The following LAMA2 variants were observed in gnomAD, a reference collection of about 807,000 sequenced individuals.
The protein encoded by LAMA2 is laminin subunit alpha-2.
A neutral mutation model predicts 364.8 loss-of-function variants in LAMA2; 269 were observed. The observed-to-expected ratio is 0.74, with a 90% CI of 0.67 to 0.82. The LOEUF (loss-of-function observed/expected upper bound fraction) is 0.82. LAMA2 is among the 40% of genes least tolerant of loss of function. The pLI is 0.00. For missense variants in LAMA2, 3,807 were observed against 3,873.2 expected (o/e 0.98, Z 0.45); for synonymous variants, 1,379 against 1,370.6 (o/e 1.01, Z -0.14).
At chr6:129,034,630 C>G (rs1227014859) in intron 1 of LAMA2, among the ~76,000 whole-genome samples, 2 of 152,054 alleles carry the variant, frequency 1.3e-5, no homozygotes, top group Non-Finnish European at 2.9e-5. Flanking sequence ...CTCTCCCAGC[C>G]TCTTCCCTTT....
At chr6:128,950,513 C>G (rs1780744829) in intron 1 of LAMA2, among the ~76,000 whole-genome samples, 2 of 152,100 alleles carry the variant, frequency 1.3e-5, no homozygotes. Context: ...GTCTTATGGA[C>G]ATTTTATTTA....
At chr6:128,885,839 A>G (rs1776122735) in intron 1 of LAMA2, among the ~76,000 whole-genome samples, 1 of 152,180 alleles carries the variant, frequency 6.6e-6, no homozygotes, top group South Asian at 2.1e-4. Flanking sequence ...TATGAATAGC[A>G]TTGATTCAGC....
chr6:129,428,001 C>T, intron 41 of LAMA2, 147 bp downstream of exon 41: 1 of 669,888 alleles, frequency 1.5e-6, no homozygotes, highest in Non-Finnish European at 2.6e-6. Context: ...AACTTTCTCA[C>T]TAGTTTTACA....
At chr6:129,476,382 A>G (rs1032482895) in intron 53 of LAMA2, among the ~76,000 whole-genome samples, 4 of 152,244 alleles carry the variant, frequency 2.6e-5, no homozygotes, top group African/African-American at 9.6e-5. Flanking sequence ...TGAGATGGCT[A>G]AAAAGCGAAG....
At chr6:129,239,917 C>T (rs571783600) in intron 12 of LAMA2, among the ~76,000 whole-genome samples, 1 of 152,278 alleles carries the variant, frequency 6.6e-6, no homozygotes, top group Non-Finnish European at 1.5e-5. Flanking sequence ...AATTGGCTCA[C>T]ATGATCACAA....
chr6:129,094,688 T>TA (rs575914720), intron 3 of LAMA2, among the ~76,000 whole-genome samples: 1 of 152,182 alleles, frequency 6.6e-6, no homozygotes, highest in African/African-American at 2.4e-5. Flanking sequence ...TTTATATCTT[T>TA]AAAAAAATCT....
At position 128,937,177 on chromosome 6, in the gene LAMA2, T is replaced by C. The variant is rs542876954; in HGVS notation, c.112+53820T>C. Among the ~76,000 whole-genome samples the C allele has an allele frequency of 9.8e-5, 15 of 152,322 alleles. No homozygotes were observed. In the South Asian group the frequency reaches 2.9e-3, roughly 29 times the overall value. ...ATACTATATCACATTTATCGACTCA[T>C]GTATGTTGAATTATCCATTTATTCC... On this transcript the variant is annotated intron_variant, in intron 1 of 64. Coordinates refer to ENST00000421865, the MANE Select transcript of LAMA2 (RefSeq NM_000426.4).
At chr6:129,229,913 A>G (rs1784573735) in intron 12 of LAMA2, among the ~76,000 whole-genome samples, 1 of 152,184 alleles carries the variant, frequency 6.6e-6, no homozygotes, top group South Asian at 2.1e-4. Flanking sequence ...AAAGTTAGAG[A>G]TGCCTATTAT....
intron 1 of LAMA2, among the ~76,000 whole-genome samples, chr6:129,018,531 A>AT (rs955205872): frequency 1.3e-5 from 2 of 150,206 alleles, no homozygotes; most frequent in African/African-American, 2.5e-5. Context: ...GAAACTTGAG[A>AT]TTTAAAAAAA....
At chr6:128,952,054 A>G (rs1401449239) in intron 1 of LAMA2, among the ~76,000 whole-genome samples, 1 of 151,936 alleles carries the variant, frequency 6.6e-6, no homozygotes, top group Non-Finnish European at 1.5e-5. Flanking sequence ...GTAGTCCCTG[A>G]TACTCGAGAG....
At position 129,391,481 on chromosome 6, in the gene LAMA2, C is replaced by A. The variant is rs552989582; in HGVS notation, c.5072-10C>A. 2.5e-4 allele frequency: 395 copies of A among 1,607,182 alleles called. 3 individuals are homozygous for A. In the South Asian group the frequency reaches 4.0e-3, roughly 16 times the overall value. The stretch of plus-strand genomic sequence containing the variant: ...TTACTAATTTACAAAATTTGTTTTA[C>A]CCCCTGCAGCTGTAAATGAAAAAGC... On this transcript the variant is annotated splice_polypyrimidine_tract_variant and intron_variant, in intron 35 of 64. Transcript: ENST00000421865.
Position 129,393,108 on chromosome 6 carries a change from A to G in LAMA2, c.5298A>G (p.Glu1766=), listed in dbSNP as rs761289060. Residue 1766 remains glutamate, a synonymous_variant, in exon 37 of 65, where the codon GAA becomes GAG. Transcript: ENST00000421865. Reference sequence around the variant, plus strand: ...TTGGAGAGTCCCGGGGGGAAAATGAAGAAATGGAGAAGGATCTCCGGGAAA... The same window carrying G: ...TTGGAGAGTCCCGGGGGGAAAATGAGGAAATGGAGAAGGATCTCCGGGAAA... ...KLFGESRGEN[E]EMEKDLREKL... The G allele has an allele frequency of 6.2e-7, 1 of 1,614,004 alleles. No individual in the cohort carries two copies. Among genetic ancestry groups the G allele is most frequent in the African/African-American group, 1.3e-5 (1 of 74,940 alleles).
chr6:128,904,092 C>T (rs1028257512), intron 1 of LAMA2, among the ~76,000 whole-genome samples: 14 of 152,252 alleles, frequency 9.2e-5, no homozygotes, highest in African/African-American at 3.4e-4. Context: ...ACGCCCAGGA[C>T]ATATATACAC....
intron 1 of LAMA2, among the ~76,000 whole-genome samples, chr6:128,961,803 A>G (rs1018148350): frequency 3.9e-5 from 6 of 151,956 alleles, no homozygotes; most frequent in Non-Finnish European, 7.4e-5. Context: ...TGTATTAACC[A>G]TCACAAGAAT....
intron 41 of LAMA2, among the ~76,000 whole-genome samples, chr6:129,430,137 A>G (rs1043012652): frequency 3.9e-5 from 6 of 152,230 alleles, no homozygotes; most frequent in African/African-American, 1.4e-4. Context: ...TACGGAGGTT[A>G]TAAAATGGCT....
chr6:128,900,890 A>C (rs1167477981), intron 1 of LAMA2, among the ~76,000 whole-genome samples: 1 of 152,222 alleles, frequency 6.6e-6, no homozygotes, highest in Non-Finnish European at 1.5e-5. Context: ...GGTGGCTCAC[A>C]GCTATAATCC....
intron 13 of LAMA2, among the ~76,000 whole-genome samples, chr6:129,250,864 G>T (rs964349424): frequency 6.6e-6 from 1 of 151,936 alleles, no homozygotes; most frequent in African/African-American, 2.4e-5. Flanking sequence ...TTCCAAATGG[G>T]TAGATGTTAA....
intron 1 of LAMA2, among the ~76,000 whole-genome samples, chr6:128,906,618 G>A (rs1267711455): frequency 1.3e-5 from 2 of 151,996 alleles, no homozygotes; most frequent in African/African-American, 4.8e-5. Context: ...TTCTTTTGCT[G>A]CACAGAAGCT....
In LAMA2 at chr6:129,095,316, G is replaced by A. The variant is rs78158389; in HGVS notation, c.397-2857G>A. On this transcript the variant is annotated intron_variant, in intron 3 of 64. Transcript: ENST00000421865. Reference sequence around the variant, plus strand: ...TATTTGTAGCATTCTGTGTTTGATAGTAGTATTTCCATATACAAAATATAG... The same window carrying A: ...TATTTGTAGCATTCTGTGTTTGATAATAGTATTTCCATATACAAAATATAG... 5.1e-3 allele frequency among the ~76,000 whole-genome samples: 782 copies of A among 152,268 alleles called. 7 individuals carry two copies. The highest frequency in any genetic ancestry group is 8.9e-3 in the Non-Finnish European group (607 of 68,018).
Sources: gnomAD v4.1 joint callset for allele counts (sites outside exome capture counted in the v4.1 genomes callset) on GRCh38, gnomAD v4.1.1 for gene constraint, MANE v1.5 for transcripts, NCBI Gene and HGNC (gene_info 2026-07-23, HGNC 2026-07-21) for gene names.